CHFR: variants seen among roughly 807,000 people sequenced by gnomAD.
CHFR encodes the protein checkpoint with forkhead and ring finger domains.
Under a neutral mutation model 87.6 loss-of-function variants are expected in CHFR, and 57 were observed. The observed-to-expected ratio is 0.65, with a 90% CI of 0.53 to 0.81. CHFR has a LOEUF of 0.81. Ranked by LOEUF, CHFR falls within the 30% of genes least tolerant of loss-of-function variation. The probability of loss-of-function intolerance (pLI) is 0.00; values close to 1 mark genes in which losing one functional copy is unlikely to be tolerated. For missense variants in CHFR, 797 were observed against 865.8 expected (o/e 0.92, Z 1.00); for synonymous variants, 381 against 359.2 (o/e 1.06, Z -0.69).
chr12:132,850,188 C>T (rs1399320237), intron 12 of CHFR, among the ~76,000 whole-genome samples: 1 of 151,986 alleles, frequency 6.6e-6, no homozygotes, highest in African/African-American at 2.4e-5. Flanking sequence ...CTTCTAACCT[C>T]GTGATCCACC....
At chr12:132,845,824 G>A (rs990441736) in intron 15 of CHFR, among the ~76,000 whole-genome samples, 1 of 152,270 alleles carries the variant, frequency 6.6e-6, no homozygotes, top group South Asian at 2.1e-4. Flanking sequence ...ATAGACAAGT[G>A]GTAGAGACCC....
chr12:132,834,564 G>C lies in CHFR; in HGVS notation c.*6990C>G, dbSNP rs1442858117. ...GCAGGCAGGGCTGGTTCCTTCTGGT[G>C]GCCCTGCAGGGAGATCTGTTTTCTT... On this transcript the variant is annotated 3_prime_UTR_variant, in exon 18 of 18. Transcript: ENST00000450056. 6.6e-6 allele frequency: 1 copy of C among 152,232 alleles called. No individual in the cohort carries two copies. The highest frequency in any genetic ancestry group is 1.5e-5 in the Non-Finnish European group (1 of 68,084). The allele number at this position is 152,232 out of a possible 1,614,324, so 9.4% of individuals were successfully genotyped here.
chr12:132,865,509 A>C (rs1276852396), intron 6 of CHFR, among the ~76,000 whole-genome samples: 1 of 151,776 alleles, frequency 6.6e-6, no homozygotes, highest in East Asian at 1.9e-4. Flanking sequence ...AGTAGCTGGG[A>C]CTACAGGCGC....
At position 132,856,494 on chromosome 12, in the gene CHFR, G is replaced by A. The variant is rs1395585538; in HGVS notation, c.1203C>T (p.Asp401=). 10 of 1,614,154 alleles carry A rather than the reference G, an allele frequency of 6.2e-6. No individual in the cohort carries two copies. The highest frequency in any genetic ancestry group is 1.3e-5 in the African/African-American group (1 of 75,058). ...GSSEDLLELS[D]VDSESSDISQ... is the part of the protein sequence containing the mutation. ...TAATGTCTGAGGACTCACTGTCAAC[G>A]TCTGACAGCTCCAGCAGGTCCTCTG... is the stretch of plus-strand genomic sequence containing the variant. Residue 401 remains aspartate (D), a synonymous_variant, in exon 10 of 18, where the codon GAC becomes GAT. Transcript: ENST00000450056.
intron 4 of CHFR, among the ~76,000 whole-genome samples, 161 bp from the exon 5 acceptor site, chr12:132,870,944 A>G (rs1172819781): frequency 6.6e-6 from 1 of 152,256 alleles, no homozygotes; most frequent in Non-Finnish European, 1.5e-5. Flanking sequence ...CAAGTAATCT[A>G]AAACATCTCT....
rs1030946220 is a variant in CHFR at position 132,840,992 on chromosome 12, A to G, written c.*562T>C. The stretch of plus-strand genomic sequence containing the variant: ...ATACCCAATTTTAGTCAATTTGTAA[A>G]TTATAAATTATATTATTTGTGCTAC... On this transcript the variant is annotated 3_prime_UTR_variant, in exon 18 of 18. Transcript: ENST00000450056. 6.5e-6 allele frequency: 1 copy of G among 152,676 alleles called. No individual in the cohort carries two copies. The highest frequency in any genetic ancestry group is 1.9e-4 in the East Asian group (1 of 5,204). 9.5% of individuals were successfully genotyped at this position (152,676 alleles called of 1,614,324 possible).
At chr12:132,848,345 A>G in intron 13 of CHFR, 190 bp from the exon 14 acceptor site, 2 of 1,104,472 alleles carry the variant, frequency 1.8e-6, no homozygotes, top group Non-Finnish European at 2.7e-6. Flanking sequence ...CTCCTTAAAA[A>G]GATCAGCTCT....
chr12:132,886,330 CA>C (rs1160375153), intron 2 of CHFR, among the ~76,000 whole-genome samples: 2 of 137,900 alleles, frequency 1.5e-5, no homozygotes, highest in East Asian at 2.1e-4. Context: ...AACAAAAAAA[CA>C]AAAAAAACCA....
chr12:132,855,146 A>G (rs1352107803), intron 10 of CHFR: 1 of 150,434 alleles, frequency 6.6e-6, no homozygotes, highest in Non-Finnish European at 1.5e-5. Flanking sequence ...GGAGGCTAAC[A>G]CGGGAGAATC....
chr12:132,859,026 G>A (rs1162272696), intron 8 of CHFR, 42 bp downstream of exon 8: 1 of 1,583,720 alleles, frequency 6.3e-7, no homozygotes. Flanking sequence ...CGAAGAACCT[G>A]CAGTGCCATG....
Position 132,843,126 on chromosome 12 carries a change from C to T in CHFR, c.1844-43G>A, listed in dbSNP as rs1212631121. 5.8e-6 allele frequency: 9 copies of T among 1,555,098 alleles called. No individual in the cohort carries two copies. The East Asian group carries it at 6.8e-5, about 12-fold the overall frequency. On this transcript the variant is annotated intron_variant, in intron 16 of 17. Coordinates refer to ENST00000450056, the MANE Select transcript of CHFR (RefSeq NM_001161346.2). ...GTACGCATCTATGAGATGTATTGCA[C>T]GCACCCACTCAGCTACCTGAATCCC...
At chr12:132,885,191 C>T (rs540931944) in intron 2 of CHFR, among the ~76,000 whole-genome samples, 1 of 152,026 alleles carries the variant, frequency 6.6e-6, no homozygotes, top group Non-Finnish European at 1.5e-5. Context: ...AGGCAGATCA[C>T]GAGGTCAGGA....
rs780118329 is a variant in CHFR at position 132,841,528 on chromosome 12, G to A, written c.*26C>T. 1.9e-6 allele frequency: 3 copies of A among 1,601,054 alleles called. No homozygotes were observed. Among genetic ancestry groups the A allele is most frequent in the East Asian group, 4.5e-5 (2 of 44,842 alleles). Reference sequence around the variant, plus strand: ...ACACGCTCTCTTCACCTCCAGTGCTGAAAGCTGCTCAGGGCCTCTGGATGC... The same window carrying A: ...ACACGCTCTCTTCACCTCCAGTGCTAAAAGCTGCTCAGGGCCTCTGGATGC... On this transcript the variant is annotated 3_prime_UTR_variant, in exon 18 of 18. Coordinates refer to ENST00000450056, the MANE Select transcript of CHFR (RefSeq NM_001161346.2).
rs978260881 is a variant in CHFR, at chr12:132,852,673, G to A, written c.1372+758C>T. Among the ~76,000 whole-genome samples, 11 of 152,354 alleles carry A rather than the reference G, an allele frequency of 7.2e-5. No homozygotes were observed. The East Asian group carries it at 7.7e-4, about 11-fold the overall frequency. On this transcript the variant is annotated intron_variant, in intron 11 of 17. Coordinates refer to ENST00000450056, the MANE Select transcript of CHFR (RefSeq NM_001161346.2). ...GACCCAGACAGAGCTGCTGAGTGGC[G>A]GAAGCAAACCCAGGCTGGTGGATGG...
chr12:132,836,610 T>C lies in CHFR; in HGVS notation c.*4944A>G. The C allele has an allele frequency of 4.4e-6, 2 of 455,610 alleles. No individual in the cohort carries two copies. Among genetic ancestry groups the C allele is most frequent in the Non-Finnish European group, 8.8e-6 (2 of 226,674 alleles). 28.2% of individuals were successfully genotyped at this position (455,610 alleles called of 1,614,324 possible). On this transcript the variant is annotated 3_prime_UTR_variant, in exon 18 of 18. Coordinates refer to ENST00000450056, the MANE Select transcript of CHFR (RefSeq NM_001161346.2). ...GCACTCACTCCTGGTCTGACTGGCC[T>C]TCAACATTCTCTCCTGAGTCCATTC...
At chr12:132,844,336 G>A (rs1950765681) in intron 15 of CHFR, among the ~76,000 whole-genome samples, 1 of 152,238 alleles carries the variant, frequency 6.6e-6, no homozygotes, top group Non-Finnish European at 1.5e-5. Flanking sequence ...CCTGGCTGGA[G>A]TGCAGTGGTG....
At chr12:132,872,142 A>C in intron 4 of CHFR, 143 bp downstream of exon 4, 1 of 637,488 alleles carries the variant, frequency 1.6e-6, no homozygotes, top group Non-Finnish European at 2.8e-6. Flanking sequence ...TATTCACGGC[A>C]GGAACCCATG....
At chr12:132,847,664 A>C in intron 14 of CHFR, 1 of 1,096,334 alleles carries the variant, frequency 9.1e-7, no homozygotes. Flanking sequence ...CATGTTAAAC[A>C]TATGTAAATC....
Position 132,843,016 on chromosome 12 carries a change from G to T in CHFR, c.1911C>A (p.His637Gln), listed in dbSNP as rs146332668. The T allele has an allele frequency of 6.2e-7, 1 of 1,611,748 alleles. No individual in the cohort carries two copies. The highest frequency in any genetic ancestry group is 1.3e-5 in the African/African-American group (1 of 74,898). The change falls in exon 17 of 18, where the codon CAC becomes CAA. Residue 637 changes from histidine to glutamine, a missense_variant. Physicochemically the swap from His to Gln is conservative, Grantham distance 24. Transcript: ENST00000450056. ...GTGCCCCCAGCTGCACTCACATGGCGTGGTGAGCTTTCACCTGAGTGCGGC... is the reference window on the plus strand; with the variant it reads ...GTGCCCCCAGCTGCACTCACATGGCTTGGTGAGCTTTCACCTGAGTGCGGC... ...RNCRTQVKAH[H>Q]AMKFNHICEQ... is the part of the protein sequence containing the mutation.
Sources: allele counts gnomAD v4.1 joint callset (sites outside exome capture counted in the v4.1 genomes callset), GRCh38; gene constraint gnomAD v4.1.1; transcripts MANE v1.5; gene names NCBI Gene and HGNC (gene_info 2026-07-23, HGNC 2026-07-21).